Variants in PLXNB3 observed in about 807,000 individuals in gnomAD.
PLXNB3 encodes plexin B3, also known as plexin-B3.
In PLXNB3, 80 loss-of-function variants were observed where a neutral mutation model predicts 125.7. The observed-to-expected ratio is 0.64, with a 90% CI of 0.53 to 0.77. The LOEUF is 0.77. Ranked by LOEUF, PLXNB3 falls within the 30% of genes least tolerant of loss-of-function variation. PLXNB3 has a pLI of 0.00. For missense variants in PLXNB3, 1,836 were observed against 1,729.3 expected (o/e 1.06, Z -1.09); for synonymous variants, 954 against 783.3 (o/e 1.22, Z -3.64).
intron 21 of PLXNB3, 37 bp from the exon 22 acceptor site, chrX:153,774,383 C>T (rs781872102): frequency 7.8e-6 from 9 of 1,157,396 alleles, no homozygotes; most frequent in South Asian, 1.9e-5. Flanking sequence ...GACCGGGTGC[C>T]GCCAGCATGC....
chrX:153,765,991 TC>T, intron 2 of PLXNB3: 1 of 743,547 alleles, frequency 1.3e-6, no homozygotes, highest in Non-Finnish European at 1.6e-6. Context: ...CCCTGACCCC[TC>T]CCCCAGCCAG....
In PLXNB3 at chrX:153,774,712, G is replaced by A; in HGVS notation, c.3837G>A (p.Lys1279=). ...AGCTGGCCCCGGGCTGCAGGCACAA[G>A]AGCAAGCAGGCCCTGCGGGACTACC... is the stretch of plus-strand genomic sequence containing the variant. ...VLLLTLMYRH[K]SKQALRDYQK... The change falls in exon 23 of 36, where the codon AAG becomes AAA. Residue 1279 remains lysine, a synonymous_variant. Transcript: ENST00000361971. 8.6e-7 allele frequency: 1 copy of A among 1,166,429 alleles called. No individual in the cohort carries two copies. Among genetic ancestry groups the A allele is most frequent in the South Asian group, 2.0e-5 (1 of 50,043 alleles).
chrX:153,765,298 A>AG (rs1287023027), intron 1 of PLXNB3, among the ~76,000 whole-genome samples, 173 bp from the exon 2 acceptor site: 5 of 113,000 alleles, frequency 4.4e-5, no homozygotes, highest in African/African-American at 6.4e-5. Context: ...CTCTGGACAG[A>AG]GGGAACATTG....
chrX:153,778,203 C>T, intron 32 of PLXNB3, 58 bp from the exon 33 acceptor site: 1 of 1,194,453 alleles, frequency 8.4e-7, no homozygotes. Context: ...GTGGCAGCAT[C>T]ATGGGGGCAC....
Position 153,774,078 on chromosome X carries a change from G to A in PLXNB3, c.3499G>A (p.Gly1167Ser), listed in dbSNP as rs1557063022. 1 of 1,190,159 alleles carries A rather than the reference G, an allele frequency of 8.4e-7. No individual in the cohort carries two copies. The highest frequency in any genetic ancestry group is 2.2e-5 in the Admixed American group (1 of 44,920). ...TGCCCGCCCCTACCGCCTCAAGCCA[G>A]GCCATGTCCTGGATGTGGAGGTGAG... ...GPARPYRLKP[G>S]HVLDVEGEGL... The change falls in exon 20 of 36, where the codon GGC becomes AGC. Residue 1167 changes from glycine (G) to serine (S), a missense_variant. By Grantham distance (56) the Gly-to-Ser change is moderately conservative. Coordinates refer to ENST00000361971, the MANE Select transcript of PLXNB3 (RefSeq NM_005393.3).
intron 35 of PLXNB3, 34 bp downstream of exon 35, chrX:153,778,708 G>A (rs782397017): frequency 8.6e-7 from 1 of 1,164,118 alleles, no homozygotes; most frequent in East Asian, 3.1e-5. Context: ...GGGAGGCACA[G>A]TGGAGCGGGA....
chrX:153,776,264 T>G (rs782279583), intron 27 of PLXNB3, 50 bp downstream of exon 27: 2 of 710,129 alleles, frequency 2.8e-6, no homozygotes, highest in Non-Finnish European at 1.9e-6. Flanking sequence ...TCCCTACCCC[T>G]CCGGCACCTG....
rs374183010 is a variant in PLXNB3, at chrX:153,767,805, G to A, written c.978G>A (p.Met326Ile). 1.7e-6 allele frequency: 2 copies of A among 1,165,646 alleles called. No individual in the cohort carries two copies. Among genetic ancestry groups the A allele is most frequent in the Non-Finnish European group, 2.3e-6 (2 of 872,666 alleles). Residue 326 changes from methionine to isoleucine, a missense_variant, in exon 3 of 36, where the codon ATG (methionine) becomes ATA (isoleucine). Coordinates refer to ENST00000361971, the MANE Select transcript of PLXNB3 (RefSeq NM_005393.3). Reference sequence around the variant, plus strand: ...CCATGGTGGAGCTGGGTGCCAGCATGGAGCAGGCCCGGAGACTCTGCTACA... The same window carrying A: ...CCATGGTGGAGCTGGGTGCCAGCATAGAGCAGGCCCGGAGACTCTGCTACA... ...AFPMVELGAS[M>I]EQARRLCYTA...
At chrX:153,777,167 G>A in intron 29 of PLXNB3, 41 bp from the exon 30 acceptor site, 1 of 1,114,801 alleles carries the variant, frequency 9.0e-7, no homozygotes, top group Non-Finnish European at 1.2e-6. Flanking sequence ...CAGGCCAGGG[G>A]CAGGGGGTAT....
At position 153,771,499 on chromosome X, in the gene PLXNB3, C is replaced by G. The variant is rs1223091634; in HGVS notation, c.2361C>G (p.Asp787Glu). 7.5e-6 allele frequency: 9 copies of G among 1,203,673 alleles called. No individual in the cohort carries two copies. The Admixed American group carries it at 1.8e-4, about 23-fold the overall frequency. The change falls in exon 14 of 36, where the codon GAC (aspartate) becomes GAG (glutamate). Residue 787 changes from aspartate (D) to glutamate (E), a missense_variant. Asp to Glu is a conservative substitution (Grantham distance 45). Transcript: ENST00000361971. The stretch of plus-strand genomic sequence containing the variant: ...GACCCTCCCTAGTGATCCTGTACGA[C>G]TGCGCCATGGGCCACCCGGACTGCA... ...NTHALYVILY[D>E]CAMGHPDCSH...
chrX:153,771,612 C>T lies in PLXNB3; in HGVS notation c.2474C>T (p.Pro825Leu), dbSNP rs782760077. 1.3e-5 allele frequency: 16 copies of T among 1,203,022 alleles called. No homozygotes were observed. In the East Asian group the frequency reaches 1.5e-4, roughly 11 times the overall value. ...TGTCGCTATGGGCCCTTGTGCCCGC[C>T]GGGGGCTGTGGAGCTGCTGTGTCCT... ...PACRYGPLCP[P>L]GAVELLCPAP... The change falls in exon 14 of 36, where the codon CCG becomes CTG. Residue 825 changes from proline to leucine, a missense_variant. Pro to Leu is a moderately conservative substitution (Grantham distance 98). Coordinates refer to ENST00000361971, the MANE Select transcript of PLXNB3 (RefSeq NM_005393.3).
intron 6 of PLXNB3, among the ~76,000 whole-genome samples, chrX:153,769,579 T>C (rs2148417776): frequency 8.8e-6 from 1 of 113,075 alleles, no homozygotes; most frequent in East Asian, 2.8e-4. Context: ...CCTGAGTCAC[T>C]GTGCGTCCCT....
chrX:153,776,376 G>A lies in PLXNB3; in HGVS notation c.4750G>A (p.Gly1584Ser), dbSNP rs201042784. The A allele has an allele frequency of 7.6e-5, 90 of 1,189,498 alleles. No individual in the cohort carries two copies. The highest frequency in any genetic ancestry group is 9.5e-5 in the Non-Finnish European group (84 of 885,208). The change falls in exon 28 of 36, where the codon GGT becomes AGT. Residue 1584 changes from glycine (G) to serine (S), a missense_variant. Gly to Ser is a moderately conservative substitution (Grantham distance 56). Coordinates refer to ENST00000361971, the MANE Select transcript of PLXNB3 (RefSeq NM_005393.3). Reference protein sequence around the residue: ...LDLEWRSGLAGHLTLSDEDLT... With the variant: ...LDLEWRSGLASHLTLSDEDLT... ...TCCAGAGTGGCGCTCAGGCCTGGCTGGTCACCTGACCCTATCGGACGAAGA... is the reference window on the plus strand; with the variant it reads ...TCCAGAGTGGCGCTCAGGCCTGGCTAGTCACCTGACCCTATCGGACGAAGA...
rs781871072 is a variant in PLXNB3, at chrX:153,773,732, G to A, written c.3279+19G>A. The A allele has an allele frequency of 1.7e-6, 2 of 1,167,809 alleles. No homozygotes were observed. The highest frequency in any genetic ancestry group is 3.0e-5 in the East Asian group (1 of 33,395). The stretch of plus-strand genomic sequence containing the variant: ...GCTGCAGGTGAGCCCCTCACCAGCA[G>A]GCGACAAGGCTGTCCCCGACCATGC... On this transcript the variant is annotated intron_variant, in intron 19 of 35. Transcript: ENST00000361971.
At chrX:153,766,346 G>A (rs782677646) in intron 2 of PLXNB3, 8 of 1,133,512 alleles carry the variant, frequency 7.1e-6, no homozygotes, top group Non-Finnish European at 7.0e-6. Context: ...CTCCCTGTCT[G>A]GTCCCTTGGG....
intron 27 of PLXNB3, 23 bp downstream of exon 27, chrX:153,776,237 C>T: frequency 9.0e-7 from 1 of 1,114,634 alleles, no homozygotes; most frequent in Non-Finnish European, 1.2e-6. Flanking sequence ...GCCCTGCCCA[C>T]CCACCCCAGG....
At position 153,778,002 on chromosome X, in the gene PLXNB3, T is replaced by C. The variant is rs782657187; in HGVS notation, c.5316T>C (p.Asp1772=). ...TGAAGAACCCACAGCTCATCTTTGA[T>C]GTACGGGTGTCGGACAATGTGGACG... The part of the protein sequence containing the change: ...NALKNPQLIF[D]VRVSDNVDAI... The change falls in exon 32 of 36, where the codon GAT becomes GAC. Residue 1772 remains aspartate (D), a synonymous_variant. Coordinates refer to ENST00000361971, the MANE Select transcript of PLXNB3 (RefSeq NM_005393.3). 4.0e-5 allele frequency: 48 copies of C among 1,210,726 alleles called. No individual in the cohort carries two copies. The South Asian group carries it at 8.3e-4, about 21-fold the overall frequency.
At position 153,770,882 on chromosome X, in the gene PLXNB3, G is replaced by A. The variant is rs368450576; in HGVS notation, c.2135G>A (p.Arg712Gln). The change falls in exon 11 of 36, where the codon CGA (arginine) becomes CAA (glutamine). Residue 712 changes from arginine to glutamine, a missense_variant and splice_region_variant. Arg to Gln is a conservative substitution (Grantham distance 43). Transcript: ENST00000361971. ...ALRVRNLQHF[R>Q]GLPASFHCWL... Reference sequence around the variant, plus strand: ...CGCGTGCGGAACCTTCAACATTTCCGAGTGAGCCATCAGGAGGGAAGGGGA... The same window carrying A: ...CGCGTGCGGAACCTTCAACATTTCCAAGTGAGCCATCAGGAGGGAAGGGGA... 168 of 1,204,479 alleles carry A rather than the reference G, an allele frequency of 1.4e-4. No individual in the cohort carries two copies. The highest frequency in any genetic ancestry group is 1.6e-4 in the Non-Finnish European group (146 of 891,094).
At chrX:153,778,523 G>A in intron 34 of PLXNB3, 52 bp downstream of exon 34, 1 of 1,184,709 alleles carries the variant, frequency 8.4e-7, no homozygotes. Context: ...GGAAAGACTA[G>A]CAGAGCAGAG....
Sources: gnomAD v4.1 joint callset for allele counts (sites outside exome capture counted in the v4.1 genomes callset) on GRCh38, gnomAD v4.1.1 for gene constraint, MANE v1.5 for transcripts, NCBI Gene and HGNC (gene_info 2026-07-23, HGNC 2026-07-21) for gene names.